The following HOPX variants were observed in gnomAD, a reference collection of about 807,000 sequenced individuals.
The protein encoded by HOPX is HOP homeobox.
Under a neutral mutation model 11.8 loss-of-function variants are expected in HOPX, and 5 were observed. The observed-to-expected ratio is 0.43, with a 90% CI of 0.22 to 0.89. The LOEUF is 0.89. HOPX is among the 40% of genes least tolerant of loss of function. HOPX has a pLI of 0.28. For synonymous variants in HOPX, 49 were observed against 49.7 expected, an observed-to-expected ratio of 0.99 and a Z score of 0.06; for missense variants, 119 against 120.0, an observed-to-expected ratio of 0.99 and a Z score of 0.04.
chr4:56,677,709 G>A (rs1048534061), intron 1 of HOPX, among the ~76,000 whole-genome samples: 1 of 151,536 alleles, frequency 6.6e-6, no homozygotes, highest in Non-Finnish European at 1.5e-5. Flanking sequence ...ACCCATACAG[G>A]TGCTGAGGGA....
At chr4:56,650,996 A>G (rs1405287570) in intron 3 of HOPX, 2 of 511,024 alleles carry the variant, frequency 3.9e-6, no homozygotes, top group Non-Finnish European at 6.8e-6. Flanking sequence ...TCAAGGATGC[A>G]AGGTCTGATT....
At position 56,648,996 on chromosome 4, in the gene HOPX, T is replaced by G. The variant is rs1358362947; in HGVS notation, c.199-199A>C. ...CATGCTATTTCCTATGTTTAGAATA[T>G]TCTCTCTTTATTCTTTATCTGATGA... On this transcript the variant is annotated intron_variant, in intron 3 of 3. Coordinates refer to ENST00000420433, the MANE Select transcript of HOPX (RefSeq NM_032495.6). 3.4e-5 allele frequency: 16 copies of G among 474,936 alleles called. No individual in the cohort carries two copies. In the South Asian group the frequency reaches 5.8e-4, roughly 17 times the overall value. 29.4% of individuals were successfully genotyped at this position (474,936 alleles called of 1,614,324 possible).
In HOPX at chr4:56,655,885, T is replaced by C. The variant is rs1361364940; in HGVS notation, c.170A>G (p.Glu57Gly). The C allele has an allele frequency of 6.8e-6, 11 of 1,611,720 alleles. No homozygotes were observed. The highest frequency in any genetic ancestry group is 2.2e-5 in the East Asian group (1 of 44,802). The change falls in exon 3 of 4, where the codon GAG (glutamate) becomes GGG (glycine). Residue 57 changes from glutamate to glycine, a missense_variant. Physicochemically the swap from Glu to Gly is moderately conservative, Grantham distance 98 (BLOSUM62 -2). Transcript: ENST00000420433. ...DSTTLCLIAAEAGLSEEETQK... is the reference protein window; with the variant it reads ...DSTTLCLIAAGAGLSEEETQK... The stretch of plus-strand genomic sequence containing the variant: ...GGTCTCCTCCTCGGAAAGGCCTGCC[T>C]CGGCCGCGATGAGGCACAGCGTGGT...
intron 1 of HOPX, among the ~76,000 whole-genome samples, chr4:56,672,464 G>A (rs1376277371): frequency 4.6e-5 from 7 of 151,652 alleles, no homozygotes; most frequent in East Asian, 1.9e-4. Context: ...GCTTGAACCC[G>A]AGAAGTGGAG....
chr4:56,660,617 C>T (rs1718064320), intron 1 of HOPX, among the ~76,000 whole-genome samples: 1 of 152,046 alleles, frequency 6.6e-6, no homozygotes, highest in African/African-American at 2.4e-5. Context: ...CAGTTGTCCA[C>T]CTTGCTCAAA....
chr4:56,660,683 C>T (rs1718066535), intron 1 of HOPX, among the ~76,000 whole-genome samples: 1 of 152,080 alleles, frequency 6.6e-6, no homozygotes, highest in Admixed American at 6.5e-5. Context: ...GAGAGTTGTT[C>T]TCCAAGACTA....
intron 3 of HOPX, 78 bp downstream of exon 3, chr4:56,655,775 GCGGA>G (rs1305948081): frequency 6.8e-6 from 10 of 1,471,768 alleles, no homozygotes; most frequent in Non-Finnish European, 9.2e-6. Flanking sequence ...GGCGGGAGGC[GCGGA>G]CGAACAGGAC....
At chr4:56,651,871 A>AGTGTGT (rs1223955133) in intron 3 of HOPX, among the ~76,000 whole-genome samples, 5 of 109,612 alleles carry the variant, frequency 4.6e-5, no homozygotes, top group South Asian at 3.2e-4. Context: ...AGAGAGAGAG[A>AGTGTGT]GAGTGTGTGT....
At position 56,655,968 on chromosome 4, in the gene HOPX, C is replaced by A; in HGVS notation, c.87G>T (p.Glu29Asp). Residue 29 changes from glutamate (E) to aspartate (D), a missense_variant, in exon 3 of 4, where the codon GAG becomes GAT. Transcript: ENST00000420433. ...MSAETASGPT[E>D]DQVEILEYNF... Reference sequence around the variant, plus strand: ...TGTACTCCAGGATTTCCACCTGGTCCTCTGTGGGGCCGCTCGCGGTCTCCG... The same window carrying A: ...TGTACTCCAGGATTTCCACCTGGTCATCTGTGGGGCCGCTCGCGGTCTCCG... 1 of 1,609,130 alleles carries A rather than the reference C, an allele frequency of 6.2e-7. No homozygotes were observed. Among genetic ancestry groups the A allele is most frequent in the Non-Finnish European group, 8.5e-7 (1 of 1,178,098 alleles).
rs188426794 is a variant in HOPX at position 56,674,647 on chromosome 4, G to C, written c.-84+6608C>G. On this transcript the variant is annotated intron_variant, in intron 1 of 3. Transcript: ENST00000420433. ...AGAGTAGATCATTTGTGAAAGGTCT[G>C]GCACTGTTTTCATGTTTGGTCACAT... Among the ~76,000 whole-genome samples, 147 of 151,678 alleles carry C rather than the reference G, an allele frequency of 9.7e-4. 5 individuals are homozygous for C. The highest frequency in any genetic ancestry group is 3.4e-3 in the African/African-American group (139 of 40,998).
intron 1 of HOPX, among the ~76,000 whole-genome samples, chr4:56,675,745 G>A (rs1718980027): frequency 6.6e-6 from 1 of 151,734 alleles, no homozygotes; most frequent in African/African-American, 2.4e-5. Flanking sequence ...TCCTGCACCA[G>A]GAGACATGAG....
chr4:56,658,974 T>C (rs1230193604), intron 1 of HOPX, among the ~76,000 whole-genome samples: 1 of 152,256 alleles, frequency 6.6e-6, no homozygotes, highest in African/African-American at 2.4e-5. Context: ...ACCCAATGGT[T>C]CTACTTTTGT....
intron 1 of HOPX, among the ~76,000 whole-genome samples, chr4:56,674,916 T>TAA (rs33940899): frequency 7.4e-5 from 9 of 121,736 alleles, no homozygotes; most frequent in African/African-American, 1.9e-4. Context: ...TCTGGCTAAC[T>TAA]AAAAAAAAAA....
chr4:56,657,597 A>G (rs1389244989), intron 2 of HOPX, among the ~76,000 whole-genome samples, 178 bp downstream of exon 2: 2 of 152,124 alleles, frequency 1.3e-5, no homozygotes, highest in Non-Finnish European at 2.9e-5. Flanking sequence ...CCACCATGAA[A>G]TCCCATGTTT....
chr4:56,652,349 T>C (rs888237959), intron 3 of HOPX, among the ~76,000 whole-genome samples: 1 of 152,184 alleles, frequency 6.6e-6, no homozygotes, highest in African/African-American at 2.4e-5. Flanking sequence ...CTCAGGCTTC[T>C]TTTTGTGGTA....
In HOPX at chr4:56,657,865, C is replaced by T. The variant is rs1213597463; in HGVS notation, c.-49G>A. ...TGCCCAGCTGGTGACCTGTGCTCCG[C>T]TAGACCCTTCTCAGTGGGGCAGTCT... On this transcript the variant is annotated 5_prime_UTR_variant, in exon 2 of 4. Coordinates refer to ENST00000420433, the MANE Select transcript of HOPX (RefSeq NM_032495.6). 1 of 1,551,374 alleles carries T rather than the reference C, an allele frequency of 6.4e-7. No homozygotes were observed. The highest frequency in any genetic ancestry group is 2.0e-5 in the Admixed American group (1 of 51,008).
chr4:56,658,458 C>T (rs886216640), intron 1 of HOPX, among the ~76,000 whole-genome samples: 3 of 152,154 alleles, frequency 2.0e-5, no homozygotes, highest in African/African-American at 2.4e-5. Flanking sequence ...CATTTGAAAG[C>T]GCCTACTTCT....
At chr4:56,648,843 C>T in intron 3 of HOPX, 46 bp from the exon 4 acceptor site, 1 of 1,413,604 alleles carries the variant, frequency 7.1e-7, no homozygotes, top group Non-Finnish European at 1.0e-6. Context: ...TACAGAAAAA[C>T]TGAAATGCCT....
At chr4:56,650,438 G>T in intron 3 of HOPX, 1 of 454,624 alleles carries the variant, frequency 2.2e-6, no homozygotes, top group Non-Finnish European at 3.9e-6. Flanking sequence ...CTAGGAAGCT[G>T]AAAGGGAATT....
Sources: gnomAD v4.1 joint callset for allele counts (sites outside exome capture counted in the v4.1 genomes callset) on GRCh38, gnomAD v4.1.1 for gene constraint, MANE v1.5 for transcripts, NCBI Gene and HGNC (gene_info 2026-07-23, HGNC 2026-07-21) for gene names.